ZNF280C: variants seen among roughly 807,000 people sequenced by gnomAD.
ZNF280C encodes the protein zinc finger protein 280C, also known as suppressor of hairy wing homolog 3.
A neutral mutation model predicts 53.6 loss-of-function variants in ZNF280C; 14 were observed. That is an observed-to-expected ratio of 0.26 (90% CI 0.17 to 0.41). ZNF280C has a LOEUF of 0.41. ZNF280C is among the 10% of genes least tolerant of loss of function. The pLI is 1.00. For missense variants in ZNF280C, 416 were observed against 547.1 expected (o/e 0.76, Z 2.39); for synonymous variants, 203 against 181.1 (o/e 1.12, Z -0.97).
At position 130,207,492 on chromosome X, in the gene ZNF280C, G is replaced by A. The variant is rs747268364; in HGVS notation, c.2043-2077C>T. Among the ~76,000 whole-genome samples the A allele has an allele frequency of 1.1e-4, 12 of 110,976 alleles. No homozygotes were observed. The South Asian group carries it at 4.6e-3, about 43-fold the overall frequency. On this transcript the variant is annotated intron_variant, in intron 16 of 18. Coordinates refer to ENST00000370978, the MANE Select transcript of ZNF280C (RefSeq NM_017666.5). ...CTCTTGCCTCAGCCTCTGAGTAGCT[G>A]CGATTACAGGCGCACACCACCATGC...
rs750499965 is a variant in ZNF280C at position 130,230,741 on chromosome X, A to C, written c.772-14T>G. On this transcript the variant is annotated splice_polypyrimidine_tract_variant and intron_variant, in intron 8 of 18. Transcript: ENST00000370978. ...TGGACAACAATGCTGAAAGAGGAAAAAAATATGAGCCTTGTCTACAGCTCT... is the reference window on the plus strand; with the variant it reads ...TGGACAACAATGCTGAAAGAGGAAACAAATATGAGCCTTGTCTACAGCTCT... 1.8e-6 allele frequency: 2 copies of C among 1,090,485 alleles called. No homozygotes were observed. Among genetic ancestry groups the C allele is most frequent in the South Asian group, 3.9e-5 (2 of 51,041 alleles). The allele number at this position is 1,090,485 out of a possible 1,213,427, so 89.9% of individuals were successfully genotyped here. A position where few individuals can be genotyped will look rare whatever the true frequency, so the allele number is the denominator to read the frequency against.
intron 2 of ZNF280C, among the ~76,000 whole-genome samples, chrX:130,254,896 C>A (rs1378209520): frequency 9.2e-6 from 1 of 108,358 alleles, no homozygotes; most frequent in Non-Finnish European, 1.9e-5. Context: ...CACATGTATC[C>A]CTGAACTTAA....
chrX:130,261,751 A>G (rs1338628361), intron 1 of ZNF280C, among the ~76,000 whole-genome samples: 1 of 112,261 alleles, frequency 8.9e-6, no homozygotes, highest in Non-Finnish European at 1.9e-5. Context: ...TGCTACCAAG[A>G]GCACAGAATT....
chrX:130,228,893 T>C, intron 10 of ZNF280C, 84 bp downstream of exon 10: 1 of 951,664 alleles, frequency 1.1e-6, no homozygotes, highest in Non-Finnish European at 1.4e-6. Flanking sequence ...TCTTATTTTT[T>C]TCTGCCAGAA....
At position 130,255,383 on chromosome X, in the gene ZNF280C, G is replaced by T. The variant is rs192506828; in HGVS notation, c.31+5036C>A. On this transcript the variant is annotated intron_variant, in intron 2 of 18. Transcript: ENST00000370978. ...TCTCGATCTCCTGACCTCGTGATCCGCCCGCCTCGGCCTCCCAAAGTGCTG... is the reference window on the plus strand; with the variant it reads ...TCTCGATCTCCTGACCTCGTGATCCTCCCGCCTCGGCCTCCCAAAGTGCTG... Among the ~76,000 whole-genome samples the T allele has an allele frequency of 3.4e-3, 357 of 104,184 alleles. 2 individuals carry two copies. Among genetic ancestry groups the T allele is most frequent in the African/African-American group, 0.012 (343 of 28,815 alleles). The allele number at this position is 104,184 out of a possible 115,157, so 90.5% of individuals were successfully genotyped here.
chrX:130,203,755 T>TTGGGAACTGTA lies in ZNF280C; in HGVS notation c.*1211_*1221dup, dbSNP rs1214602237. 1 of 112,310 alleles carries TTGGGAACTGTA rather than the reference T, an allele frequency of 8.9e-6. No homozygotes were observed. Among genetic ancestry groups the TTGGGAACTGTA allele is most frequent in the African/African-American group, 3.2e-5 (1 of 30,930 alleles). 9.3% of individuals were successfully genotyped at this position (112,310 alleles called of 1,213,427 possible). ...TAAATGAAAACATGAATAACTGACT[T>TTGGGAACTGTA]TGGGAACTGTAATTGTAGAAATTTT... is the stretch of plus-strand genomic sequence containing the variant. On this transcript the variant is annotated 3_prime_UTR_variant, in exon 19 of 19. Transcript: ENST00000370978.
At position 130,215,994 on chromosome X, in the gene ZNF280C, T is replaced by A; in HGVS notation, c.1635A>T (p.Gln545His). Residue 545 changes from glutamine (Q) to histidine (H), a missense_variant, in exon 14 of 19, where the codon CAA becomes CAT. Coordinates refer to ENST00000370978, the MANE Select transcript of ZNF280C (RefSeq NM_017666.5). ...SFLQVTPPTS[Q>H]NTTARNPRKS... Reference sequence around the variant, plus strand: ...TTCTAGGATTTCTAGCAGTTGTATTTTGAGATGTCGGAGGTGTGACCTGAA... The same window carrying A: ...TTCTAGGATTTCTAGCAGTTGTATTATGAGATGTCGGAGGTGTGACCTGAA... The A allele has an allele frequency of 8.3e-7, 1 of 1,211,210 alleles. No individual in the cohort carries two copies.
chrX:130,258,152 T>C (rs1266294698), intron 2 of ZNF280C, among the ~76,000 whole-genome samples: 1 of 111,300 alleles, frequency 9.0e-6, no homozygotes, highest in Non-Finnish European at 1.9e-5. Context: ...ATAATAAAAA[T>C]GGGAATGTAT....
chrX:130,263,993 C>G (rs755231895), intron 1 of ZNF280C, among the ~76,000 whole-genome samples: 2 of 96,551 alleles, frequency 2.1e-5, no homozygotes, highest in African/African-American at 8.1e-5. Flanking sequence ...CCACTGCATT[C>G]CAGCCTGGGA....
chrX:130,227,675 T>A lies in ZNF280C; in HGVS notation c.1248+7A>T, dbSNP rs748236652. 8.8e-6 allele frequency: 10 copies of A among 1,136,085 alleles called. No homozygotes were observed. In the African/African-American group the frequency reaches 1.4e-4, roughly 16 times the overall value. 93.6% of individuals were successfully genotyped at this position (1,136,085 alleles called of 1,213,427 possible). The stretch of plus-strand genomic sequence containing the variant: ...ACACTTAACTACACAATAAAATGTG[T>A]GTGTACCTGGCAAACATATGGCATT... On this transcript the variant is annotated splice_region_variant and intron_variant, in intron 11 of 18. Coordinates refer to ENST00000370978, the MANE Select transcript of ZNF280C (RefSeq NM_017666.5).
intron 1 of ZNF280C, among the ~76,000 whole-genome samples, chrX:130,262,395 A>G (rs1310777237): frequency 4.4e-5 from 5 of 112,712 alleles, no homozygotes; most frequent in African/African-American, 1.6e-4. Context: ...TCAAAAGAAT[A>G]CTACCATACT....
chrX:130,205,731 T>C (rs1018164597), intron 16 of ZNF280C, among the ~76,000 whole-genome samples: 12 of 109,488 alleles, frequency 1.1e-4, no homozygotes, highest in Non-Finnish European at 1.9e-4. Context: ...ATACAAAAAT[T>C]AGTCAGGCAT....
intron 13 of ZNF280C, among the ~76,000 whole-genome samples, chrX:130,220,127 G>A (rs2032147986): frequency 9.1e-6 from 1 of 110,428 alleles, no homozygotes; most frequent in African/African-American, 3.3e-5. Context: ...TCAGGGTAAC[G>A]GGTATCCATC....
intron 12 of ZNF280C, among the ~76,000 whole-genome samples, chrX:130,223,226 T>A (rs776408150): frequency 6.3e-5 from 7 of 110,915 alleles, no homozygotes; most frequent in Non-Finnish European, 1.3e-4. Context: ...CCAGCTAATT[T>A]TTTTTATTTT....
intron 2 of ZNF280C, among the ~76,000 whole-genome samples, chrX:130,251,404 T>G (rs924688124): frequency 9.2e-6 from 1 of 108,646 alleles, no homozygotes; most frequent in Admixed American, 1.0e-4. Context: ...CAATGCAGGA[T>G]GCAGAAAATC....
At chrX:130,224,457 A>C (rs5977228) in intron 12 of ZNF280C, among the ~76,000 whole-genome samples, 2,056 of 111,359 alleles carry the variant, frequency 0.018, 47 homozygotes, top group African/African-American at 0.064. Context: ...CCCTCAGACT[A>C]CTCCCAGATG....
intron 16 of ZNF280C, among the ~76,000 whole-genome samples, chrX:130,205,645 G>C (rs1234217814): frequency 5.4e-5 from 6 of 110,489 alleles, no homozygotes. Context: ...TTGGGAGGCA[G>C]AGGTGGATGG....
intron 1 of ZNF280C, among the ~76,000 whole-genome samples, chrX:130,264,947 C>T (rs1195016401): frequency 8.9e-6 from 1 of 111,915 alleles, no homozygotes; most frequent in African/African-American, 3.2e-5. Context: ...GTTCCTTAGA[C>T]AATTTGACTG....
At chrX:130,263,307 T>C (rs1472859970) in intron 1 of ZNF280C, among the ~76,000 whole-genome samples, 1 of 112,419 alleles carries the variant, frequency 8.9e-6, no homozygotes, top group Non-Finnish European at 1.9e-5. Flanking sequence ...ACAACTCAAA[T>C]ACCCATCAAC....
Sources: gnomAD v4.1 joint callset for allele counts (sites outside exome capture counted in the v4.1 genomes callset) on GRCh38, gnomAD v4.1.1 for gene constraint, MANE v1.5 for transcripts, NCBI Gene and HGNC (gene_info 2026-07-23, HGNC 2026-07-21) for gene names.